The following MYO5C variants were observed in gnomAD, a reference collection of about 807,000 sequenced individuals.
MYO5C encodes unconventional myosin-Vc.
In MYO5C, 194 loss-of-function variants were observed where a neutral mutation model predicts 235.7. The ratio of observed to expected loss-of-function variants is 0.82; its 90% CI spans 0.73 to 0.93. MYO5C has a LOEUF of 0.93. Ranked by LOEUF, MYO5C falls within the 40% of genes least tolerant of loss-of-function variation. The pLI, the probability that MYO5C is intolerant of heterozygous loss-of-function variation, is 0.00. For synonymous variants in MYO5C, 707 were observed against 754.8 expected (o/e 0.94, Z 1.04); for missense variants, 2,038 against 2,127.2 (o/e 0.96, Z 0.82).
rs1221712349 is a variant in MYO5C at position 52,204,945 on chromosome 15, G to T, written c.4740C>A (p.Phe1580Leu). The change falls in exon 38 of 41, where the codon TTC becomes TTA. Residue 1580 changes from phenylalanine to leucine, a missense_variant. Coordinates refer to ENST00000261839, the MANE Select transcript of MYO5C (RefSeq NM_018728.4). ...TCAGCGTGACCGCCCCGATCAAGAA[G>T]AAGAGCTGCTTCACCGCCTGCCTCA... ...ELVRQAVKQL[F>L]FLIGAVTLNS... 1 of 1,614,152 alleles carries T rather than the reference G, an allele frequency of 6.2e-7. No individual in the cohort carries two copies. The highest frequency in any genetic ancestry group is 1.7e-5 in the Admixed American group (1 of 60,016).
intron 8 of MYO5C, among the ~76,000 whole-genome samples, chr15:52,266,200 G>A (rs957604318): frequency 4.6e-5 from 2 of 43,892 alleles, no homozygotes; most frequent in Non-Finnish European, 1.1e-4. Flanking sequence ...CAAGACCTGC[G>A]TTAAGTAATC....
intron 38 of MYO5C, 114 bp from the exon 39 acceptor site, chr15:52,196,597 G>A (rs2035057962): frequency 1.1e-6 from 1 of 941,270 alleles, no homozygotes; most frequent in Admixed American, 2.6e-5. Context: ...CAGCTCAGCA[G>A]TTACTCATCT....
intron 3 of MYO5C, 56 bp from the exon 4 acceptor site, chr15:52,279,073 G>C (rs2037110109): frequency 8.3e-7 from 1 of 1,199,178 alleles, no homozygotes; most frequent in Admixed American, 2.5e-5. Context: ...TGCATCTCCA[G>C]TTTTTTTTTT....
In MYO5C at chr15:52,233,001, C is replaced by CCTTT. The variant is rs1380522513; in HGVS notation, c.2963-317_2963-316insAAAG. Among the ~76,000 whole-genome samples, 20 of 55,950 alleles carry CCTTT rather than the reference C, an allele frequency of 3.6e-4. 8 individuals carry two copies. The highest frequency in any genetic ancestry group is 9.6e-4 in the Non-Finnish European group (10 of 10,460). 36.7% of individuals were successfully genotyped at this position (55,950 alleles called of 152,430 possible). A position where few individuals can be genotyped will look rare whatever the true frequency, so the allele number is the denominator to read the frequency against. ...AATATTATTAAAAATAAATAGAGGC[C>CCTTT]GGGCGCGGTGGCTCACGCCTGTAAT... On this transcript the variant is annotated intron_variant, in intron 23 of 40. Transcript: ENST00000261839.
intron 7 of MYO5C, among the ~76,000 whole-genome samples, chr15:52,270,185 C>A (rs952441447): frequency 1.3e-5 from 2 of 152,046 alleles, no homozygotes; most frequent in African/African-American, 4.8e-5. Flanking sequence ...AGGAGGCTGA[C>A]GTGGGAGGAT....
chr15:52,239,078 A>G (rs941067791), intron 21 of MYO5C, among the ~76,000 whole-genome samples: 1 of 152,004 alleles, frequency 6.6e-6, no homozygotes, highest in Admixed American at 6.5e-5. Context: ...CAGCCTCCAG[A>G]GTAGCTGGGA....
chr15:52,272,799 T>G lies in MYO5C; in HGVS notation c.607-76A>C. On this transcript the variant is annotated intron_variant, in intron 5 of 40. Coordinates refer to ENST00000261839, the MANE Select transcript of MYO5C (RefSeq NM_018728.4). ...TCAAAATTATTGGAGGGGTTTTTAG[T>G]AAAAGGCAATCCTGTACCCTAGGGG... 6 of 1,471,956 alleles carry G rather than the reference T, an allele frequency of 4.1e-6. No homozygotes were observed. In the South Asian group the frequency reaches 7.2e-5, roughly 18 times the overall value. The allele number at this position is 1,471,956 out of a possible 1,614,324, so 91.2% of individuals were successfully genotyped here. A position where few individuals can be genotyped will look rare whatever the true frequency, so the allele number is the denominator to read the frequency against.
chr15:52,270,749 A>C (rs1194176276), intron 7 of MYO5C, among the ~76,000 whole-genome samples: 2 of 152,018 alleles, frequency 1.3e-5, no homozygotes, highest in Admixed American at 6.6e-5. Context: ...ATCTTTCAGA[A>C]AGCCCTTCTG....
At chr15:52,194,307 C>G (rs575998682) in intron 40 of MYO5C, among the ~76,000 whole-genome samples, 1 of 152,324 alleles carries the variant, frequency 6.6e-6, no homozygotes, top group South Asian at 2.1e-4. Context: ...ATGAGTTGAC[C>G]ATAAATCTGT....
At chr15:52,194,903 T>C (rs2035012864) in intron 40 of MYO5C, among the ~76,000 whole-genome samples, 1 of 152,096 alleles carries the variant, frequency 6.6e-6, no homozygotes, top group Non-Finnish European at 1.5e-5. Flanking sequence ...CAGGTACATA[T>C]TTAGAAAAAG....
intron 1 of MYO5C, among the ~76,000 whole-genome samples, chr15:52,290,879 A>C (rs1038949409): frequency 4.6e-5 from 7 of 152,164 alleles, no homozygotes; most frequent in African/African-American, 7.2e-5. Flanking sequence ...AAAAAAATCA[A>C]CTGTATTATA....
chr15:52,225,083 T>C lies in MYO5C; in HGVS notation c.3357A>G (p.Val1119=). ...AATGCAAAAATGATTACCTGCTTCT[T>C]ACATCTTCAATGTCATAGCTTTCGA... ...QLLESYDIED[V]RSRLSVEDLE... Residue 1119 remains valine, a synonymous_variant, in exon 27 of 41, where the codon GTA becomes GTG. Transcript: ENST00000261839. 6.2e-7 allele frequency: 1 copy of C among 1,614,120 alleles called. No individual in the cohort carries two copies. The highest frequency in any genetic ancestry group is 8.5e-7 in the Non-Finnish European group (1 of 1,179,988).
At position 52,246,383 on chromosome 15, in the gene MYO5C, A is replaced by G. The variant is rs926014405; in HGVS notation, c.1980-341T>C. Among the ~76,000 whole-genome samples the G allele has an allele frequency of 2.0e-5, 3 of 152,160 alleles. 1 individual carries two copies. In the East Asian group the frequency reaches 5.8e-4, roughly 29 times the overall value. ...CCACTGATGCTTGAATTTCCTCTACAGAACACCCAACAGGTAGCTCTGCAG... is the reference window on the plus strand; with the variant it reads ...CCACTGATGCTTGAATTTCCTCTACGGAACACCCAACAGGTAGCTCTGCAG... On this transcript the variant is annotated intron_variant, in intron 16 of 40. Transcript: ENST00000261839.
intron 1 of MYO5C, among the ~76,000 whole-genome samples, chr15:52,283,321 C>T (rs1477179942): frequency 6.6e-6 from 1 of 152,224 alleles, no homozygotes; most frequent in African/African-American, 2.4e-5. Flanking sequence ...TCACCAGTTC[C>T]CTGGGAGGTT....
intron 4 of MYO5C, among the ~76,000 whole-genome samples, chr15:52,276,362 G>A (rs75397017): frequency 0.022 from 3,402 of 152,238 alleles, 99 homozygotes; most frequent in South Asian, 0.13. Context: ...TCTCCCAGTC[G>A]GGTCACACAG....
chr15:52,288,755 G>A (rs1034129288), intron 1 of MYO5C, among the ~76,000 whole-genome samples: 1 of 152,254 alleles, frequency 6.6e-6, no homozygotes, highest in Non-Finnish European at 1.5e-5. Flanking sequence ...GGAGTCTGTG[G>A]ACTGGGATGG....
rs1311973016 is a variant in MYO5C, at chr15:52,244,411, C to G, written c.2335G>C (p.Glu779Gln). The G allele has an allele frequency of 1.2e-6, 2 of 1,614,060 alleles. No homozygotes were observed. The highest frequency in any genetic ancestry group is 2.2e-5 in the South Asian group (2 of 91,058). ...TGGATTATCAGGGCGGCTCGTCTCT[C>G]TCGGAGGAATTTTTTCCTCTGGAGC... Reference protein sequence around the residue: ...GWLQRKKFLRERRAALIIQQY... With the variant: ...GWLQRKKFLRQRRAALIIQQY... Residue 779 changes from glutamate to glutamine, a missense_variant, in exon 19 of 41, where the codon GAG (glutamate) becomes CAG (glutamine). Transcript: ENST00000261839.
intron 24 of MYO5C, among the ~76,000 whole-genome samples, chr15:52,232,194 G>GAAAATGAAAGAAA (rs2035969324): frequency 1.8e-5 from 1 of 55,342 alleles, no homozygotes; most frequent in African/African-American, 8.9e-5. Flanking sequence ...GAGGAAGGGA[G>GAAAATGAAAGAAA]GAAGGAAGGA....
Position 52,193,765 on chromosome 15 carries a change from G to T in MYO5C, c.*137C>A. 2 of 837,730 alleles carry T rather than the reference G, an allele frequency of 2.4e-6. No individual in the cohort carries two copies. The allele number at this position is 837,730 out of a possible 1,614,324, so 51.9% of individuals were successfully genotyped here. On this transcript the variant is annotated 3_prime_UTR_variant, in exon 41 of 41. Coordinates refer to ENST00000261839, the MANE Select transcript of MYO5C (RefSeq NM_018728.4). ...AGCATTGTCACTGTGAGTGAGAGAT[G>T]ATGTGGTCCATTTGAGAAAAGTCTG...
Sources: allele counts gnomAD v4.1 joint callset (sites outside exome capture counted in the v4.1 genomes callset), GRCh38; gene constraint gnomAD v4.1.1; transcripts MANE v1.5; gene names NCBI Gene and HGNC (gene_info 2026-07-23, HGNC 2026-07-21).